The following ABI2 variants were observed in gnomAD, a reference collection of about 807,000 sequenced individuals.
ABI2 encodes the protein abl interactor 2.
Under a neutral mutation model 59.2 loss-of-function variants are expected in ABI2, and 25 were observed. That is an observed-to-expected ratio of 0.42 (90% confidence interval 0.31 to 0.59). ABI2 has a LOEUF of 0.59. ABI2 is among the 20% of genes least tolerant of loss of function. The probability of loss-of-function intolerance (pLI) is 0.14; values close to 1 mark genes in which losing one functional copy is unlikely to be tolerated. For synonymous variants in ABI2, 213 were observed against 235.5 expected (o/e 0.90, Z 0.87); for missense variants, 545 against 681.8 (o/e 0.80, Z 2.23).
chr2:203,374,381 T>C (rs1418798092), intron 2 of ABI2, among the ~76,000 whole-genome samples: 1 of 151,096 alleles, frequency 6.6e-6, no homozygotes, highest in Non-Finnish European at 1.5e-5. Context: ...GCACCTGTAA[T>C]CCCAGCTACT....
chr2:203,398,093 A>G (rs578034822), intron 8 of ABI2, among the ~76,000 whole-genome samples: 1 of 152,382 alleles, frequency 6.6e-6, no homozygotes, highest in East Asian at 1.9e-4. Flanking sequence ...TTGCTGTTAT[A>G]CATGTTAAAC....
intron 10 of ABI2, 61 bp downstream of exon 10, chr2:203,411,432 G>T: frequency 3.2e-6 from 4 of 1,266,026 alleles, no homozygotes; most frequent in Non-Finnish European, 4.6e-6. Context: ...TCATTTATAT[G>T]TGATTGACTG....
At chr2:203,341,903 A>G (rs897907818) in intron 1 of ABI2, among the ~76,000 whole-genome samples, 2 of 152,196 alleles carry the variant, frequency 1.3e-5, no homozygotes, top group Admixed American at 6.5e-5. Context: ...TACTTAGTGC[A>G]GGACTTACTC....
chr2:203,372,417 C>A (rs1303934343), intron 2 of ABI2, among the ~76,000 whole-genome samples: 66 of 152,330 alleles, frequency 4.3e-4, no homozygotes, highest in African/African-American at 1.3e-3. Flanking sequence ...CATTGTCATC[C>A]CGGCCCGTTC....
intron 1 of ABI2, among the ~76,000 whole-genome samples, chr2:203,356,246 GTTGCAATCATGGC>G (rs1267653847): frequency 2.0e-5 from 3 of 152,152 alleles, no homozygotes; most frequent in Non-Finnish European, 4.4e-5. Flanking sequence ...GGAGGGCAGT[GTTGCAATCATGGC>G]TCACTACGAG....
intron 1 of ABI2, among the ~76,000 whole-genome samples, chr2:203,352,108 A>T (rs960698568): frequency 2.0e-5 from 3 of 152,198 alleles, no homozygotes; most frequent in African/African-American, 7.2e-5. Context: ...CTATGAAAGT[A>T]CAATAATAAA....
At position 203,358,111 on chromosome 2, in the gene ABI2, G is replaced by GTGTGTT. The variant is rs1553548766; in HGVS notation, c.118-8763_118-8762insGTTTGT. Among the ~76,000 whole-genome samples, 38 of 109,342 alleles carry GTGTGTT rather than the reference G, an allele frequency of 3.5e-4. No homozygotes were observed. In the East Asian group the frequency reaches 5.4e-3, roughly 15 times the overall value. 71.7% of individuals were successfully genotyped at this position (109,342 alleles called of 152,430 possible). A position where few individuals can be genotyped will look rare whatever the true frequency, so the allele number is the denominator to read the frequency against. ...TGTGTGTGTGTGTGTGTGTGTGTGT[G>GTGTGTT]TGTTTGTTTGTTTGTTTGTTTTTGA... On this transcript the variant is annotated intron_variant, in intron 1 of 11. Coordinates refer to ENST00000261018, the MANE Select transcript of ABI2 (RefSeq NM_001375670.1).
chr2:203,375,958 G>C, intron 2 of ABI2: 1 of 876,874 alleles, frequency 1.1e-6, no homozygotes, highest in East Asian at 2.7e-5. Flanking sequence ...ACCCCGTGTG[G>C]TAGTATGATG....
At chr2:203,402,854 T>C in intron 9 of ABI2, 120 bp downstream of exon 9, 1 of 683,638 alleles carries the variant, frequency 1.5e-6, no homozygotes, top group Non-Finnish European at 2.2e-6. Flanking sequence ...GTTGAATGAA[T>C]GGGAGAATGA....
intron 11 of ABI2, among the ~76,000 whole-genome samples, chr2:203,420,521 G>C (rs2098150179): frequency 6.6e-6 from 1 of 151,862 alleles, no homozygotes. Flanking sequence ...AGCCTCCTGA[G>C]TAGGTGGGAC....
chr2:203,329,730 G>T (rs1324733297), intron 1 of ABI2, among the ~76,000 whole-genome samples: 3 of 150,606 alleles, frequency 2.0e-5, no homozygotes, highest in Non-Finnish European at 4.4e-5. Flanking sequence ...TCTCTCCAGG[G>T]ATCCTTCTTT....
At position 203,380,262 on chromosome 2, in the gene ABI2, A is replaced by G; in HGVS notation, c.340A>G (p.Thr114Ala). The change falls in exon 3 of 12, where the codon ACC becomes GCC. Residue 114 changes from threonine to alanine, a missense_variant. Physicochemically the swap from Thr to Ala is moderately conservative, Grantham distance 58. Coordinates refer to ENST00000261018, the MANE Select transcript of ABI2 (RefSeq NM_001375670.1). ...VARREIGILT[T>A]NKNTSRTHKI... ...AAGAAGAGAAATTGGTATTTTGACT[A>G]CCAATAAAAACACTTCAAGGACACA... The G allele has an allele frequency of 6.3e-7, 1 of 1,599,586 alleles. No individual in the cohort carries two copies. Among genetic ancestry groups the G allele is most frequent in the Non-Finnish European group, 8.5e-7 (1 of 1,175,232 alleles).
intron 1 of ABI2, among the ~76,000 whole-genome samples, chr2:203,364,353 C>CA (rs2094051668): frequency 1.3e-5 from 2 of 152,080 alleles, no homozygotes; most frequent in South Asian, 4.2e-4. Context: ...CTCAGCCTCC[C>CA]AAAGTGTTGG....
chr2:203,396,929 C>T lies in ABI2; in HGVS notation c.995C>T (p.Ser332Phe). Reference protein sequence around the residue: ...GAQTLADGFTSPTPPVVSSTP... With the variant: ...GAQTLADGFTFPTPPVVSSTP... ...CAGACCCTTGCTGATGGCTTCACTTCTCCAACTCCCCCTGTTGTTTCTTCC... is the reference window on the plus strand; with the variant it reads ...CAGACCCTTGCTGATGGCTTCACTTTTCCAACTCCCCCTGTTGTTTCTTCC... Residue 332 changes from serine (S) to phenylalanine (F), a missense_variant, in exon 8 of 12, where the codon TCT becomes TTT. By Grantham distance (155) the Ser-to-Phe change is radical. Around this residue, in one of 4 missense-constraint regions of ABI2, gnomAD observed 410 missense variants for 435.6 expected, o/e 0.94. Transcript: ENST00000261018. 5 of 1,521,390 alleles carry T rather than the reference C, an allele frequency of 3.3e-6. No homozygotes were observed. Among genetic ancestry groups the T allele is most frequent in the Non-Finnish European group, 4.4e-6 (5 of 1,141,172 alleles). The allele number at this position is 1,521,390 out of a possible 1,614,324, so 94.2% of individuals were successfully genotyped here.
At chr2:203,376,202 A>G in intron 2 of ABI2, 1 of 1,205,328 alleles carries the variant, frequency 8.3e-7, no homozygotes, top group Non-Finnish European at 1.1e-6. Context: ...TTTGCCCCCA[A>G]GGGGACATTT....
At chr2:203,405,642 G>A (rs959913080) in intron 9 of ABI2, among the ~76,000 whole-genome samples, 1 of 151,804 alleles carries the variant, frequency 6.6e-6, no homozygotes, top group Non-Finnish European at 1.5e-5. Context: ...AATATTTGTT[G>A]TGCTTTCTCA....
At chr2:203,390,859 A>T (rs996460004) in intron 4 of ABI2, among the ~76,000 whole-genome samples, 187 bp from the exon 5 acceptor site, 1 of 152,202 alleles carries the variant, frequency 6.6e-6, no homozygotes, top group African/African-American at 2.4e-5. Flanking sequence ...TCATGTTAGG[A>T]AGAGTCCTTT....
chr2:203,424,360 T>C (rs953809938), intron 11 of ABI2, among the ~76,000 whole-genome samples: 5 of 152,174 alleles, frequency 3.3e-5, no homozygotes, highest in Non-Finnish European at 7.3e-5. Flanking sequence ...TGAAGTAAAC[T>C]ACTGGTGTAT....
rs2098459879 is a variant in ABI2, at chr2:203,428,700, C to T, written c.*1348C>T. 6.6e-6 allele frequency: 1 copy of T among 152,086 alleles called. No individual in the cohort carries two copies. Among genetic ancestry groups the T allele is most frequent in the African/African-American group, 2.4e-5 (1 of 41,414 alleles). The allele number at this position is 152,086 out of a possible 1,614,324, so 9.4% of individuals were successfully genotyped here. On this transcript the variant is annotated 3_prime_UTR_variant, in exon 12 of 12. Transcript: ENST00000261018. ...TAACTTTAATCATCACTACTGTAGT[C>T]AGTATAAGAAATGCTGAAAAAAATC...
Sources: allele counts gnomAD v4.1 joint callset (sites outside exome capture counted in the v4.1 genomes callset), GRCh38; gene constraint gnomAD v4.1.1; regional missense constraint gnomAD v4.1.1; transcripts MANE v1.5; gene names NCBI Gene and HGNC (gene_info 2026-07-23, HGNC 2026-07-21).